The following ZNF862 variants were observed in gnomAD, a reference collection of about 807,000 sequenced individuals.
The protein encoded by ZNF862 is zinc finger protein 862.
In ZNF862, 64 loss-of-function variants were observed where a neutral mutation model predicts 91.1. That is an observed-to-expected ratio of 0.70 (90% confidence interval 0.57 to 0.87). ZNF862 has a LOEUF of 0.87. Among genes scored for constraint, ZNF862 ranks in the 40% least tolerant of loss-of-function variants. The probability of loss-of-function intolerance (pLI) is 0.00; values close to 1 mark genes in which losing one functional copy is unlikely to be tolerated. For synonymous variants in ZNF862, 631 were observed against 618.1 expected, an observed-to-expected ratio of 1.02 and a Z score of -0.31; for missense variants, 1,459 against 1,528.0, an observed-to-expected ratio of 0.95 and a Z score of 0.75.
In ZNF862 at chr7:149,861,359, G is replaced by C; in HGVS notation, c.2199G>C (p.Val733=). 1 of 1,613,072 alleles carries C rather than the reference G, an allele frequency of 6.2e-7. No homozygotes were observed. The change falls in exon 7 of 8, where the codon GTG becomes GTC. Residue 733 remains valine (V), a synonymous_variant. Coordinates refer to ENST00000223210, the MANE Select transcript of ZNF862 (RefSeq NM_001099220.3). This position sits in a 1 kb window ranked among gnomAD's most constrained non-coding sequence, Gnocchi z 6.7. ...HCVAHRLHLA[V]VDACGSIDLV... is the part of the protein sequence containing the mutation. ...TGGCCCACCGGCTGCACCTGGCTGTGGTGGACGCCTGCGGGAGCATCGATC... is the reference window on the plus strand; with the variant it reads ...TGGCCCACCGGCTGCACCTGGCTGTCGTGGACGCCTGCGGGAGCATCGATC...
intron 5 of ZNF862, among the ~76,000 whole-genome samples, chr7:149,852,907 AG>A (rs1802115785): frequency 6.6e-6 from 1 of 152,140 alleles, no homozygotes; most frequent in South Asian, 2.1e-4. Flanking sequence ...GGCCTTACAG[AG>A]CTGGGGGAAG....
In ZNF862 at chr7:149,844,569, T is replaced by G. The variant is rs1586041915; in HGVS notation, c.25-56T>G. ...GCCCTCAGGTGGTCAGGAACACTTTTGGAAGATAAATCTAAGGAAGAGAGT... is the reference window on the plus strand; with the variant it reads ...GCCCTCAGGTGGTCAGGAACACTTTGGGAAGATAAATCTAAGGAAGAGAGT... On this transcript the variant is annotated intron_variant, in intron 1 of 7. Coordinates refer to ENST00000223210, the MANE Select transcript of ZNF862 (RefSeq NM_001099220.3). The G allele has an allele frequency of 1.7e-5, 23 of 1,358,186 alleles. No homozygotes were observed. In the East Asian group the frequency reaches 5.8e-4, roughly 34 times the overall value. The allele number at this position is 1,358,186 out of a possible 1,614,324, so 84.1% of individuals were successfully genotyped here.
intron 3 of ZNF862, 131 bp from the exon 4 acceptor site, chr7:149,847,592 GGTGTGTGTGTGT>G (rs10569456): frequency 0.03 from 15,557 of 517,760 alleles, 1 homozygote; most frequent in East Asian, 0.041. Context: ...AGAAAATTCA[GGTGTGTGTGTGT>G]GTGTGTGTGT....
At position 149,860,524 on chromosome 7, in the gene ZNF862, GA is replaced by G. The variant is rs1802429326; in HGVS notation, c.1366del (p.Ile456SerfsTer21). ...SICEEGDGPR[R>X]IKRTYRPRSI... The stretch of plus-strand genomic sequence containing the variant: ...TGTGAGGAAGGAGATGGACCTAGGA[GA>G]ATCAAGAGGACATACAGGCCCCGTT... On this transcript the variant is annotated frameshift_variant, in exon 7 of 8. Transcript: ENST00000223210. LOFTEE classifies it high-confidence loss of function. The G allele has an allele frequency of 6.2e-7, 1 of 1,613,992 alleles. No homozygotes were observed. Among genetic ancestry groups the G allele is most frequent in the Non-Finnish European group, 8.5e-7 (1 of 1,179,896 alleles).
rs1283761853 is a variant in ZNF862, at chr7:149,861,600, G to T, written c.2440G>T (p.Val814Leu). ...WPALARHLQR[V>L]AEAGGQIGHR... ...CGCCCTGGCCAGGCACCTCCAGAGG[G>T]TGGCAGAGGCTGGGGGCCAGATTGG... Residue 814 changes from valine to leucine, a missense_variant, in exon 7 of 8, where the codon GTG becomes TTG. Transcript: ENST00000223210. This position sits in a 1 kb window ranked among gnomAD's most constrained non-coding sequence, Gnocchi z 6.7. The T allele has an allele frequency of 1.9e-6, 3 of 1,600,058 alleles. No individual in the cohort carries two copies. The Admixed American group carries it at 5.1e-5, about 27-fold the overall frequency.
chr7:149,851,902 G>A (rs1453709591), intron 5 of ZNF862: 1 of 152,206 alleles, frequency 6.6e-6, no homozygotes, highest in African/African-American at 2.4e-5. Flanking sequence ...CTTTCTAGGG[G>A]GTGGGCCTGG....
At chr7:149,864,010 C>T in intron 7 of ZNF862, 99 bp from the exon 8 acceptor site, 2 of 1,292,012 alleles carry the variant, frequency 1.5e-6, no homozygotes, top group Non-Finnish European at 2.1e-6. Flanking sequence ...TCAGTCTGTT[C>T]TGCCAAGCTT....
intron 1 of ZNF862, among the ~76,000 whole-genome samples, chr7:149,843,462 C>T (rs1170219172): frequency 6.6e-6 from 1 of 152,116 alleles, no homozygotes; most frequent in South Asian, 2.1e-4. Flanking sequence ...TGTTGCGTGG[C>T]TGTGGTACCT....
At chr7:149,841,929 G>A (rs183855949) in intron 1 of ZNF862, among the ~76,000 whole-genome samples, 88 of 152,276 alleles carry the variant, frequency 5.8e-4, no homozygotes, top group Non-Finnish European at 1.1e-3. Context: ...TGTGTTGAAT[G>A]AAAAAATGAA....
chr7:149,864,458 T>C lies in ZNF862; in HGVS notation c.*174T>C. 1 of 628,560 alleles carries C rather than the reference T, an allele frequency of 1.6e-6. No individual in the cohort carries two copies. The highest frequency in any genetic ancestry group is 2.7e-6 in the Non-Finnish European group (1 of 368,392). The allele number at this position is 628,560 out of a possible 1,614,324, so 38.9% of individuals were successfully genotyped here. A position where few individuals can be genotyped will look rare whatever the true frequency, so the allele number is the denominator to read the frequency against. On this transcript the variant is annotated 3_prime_UTR_variant, in exon 8 of 8. Coordinates refer to ENST00000223210, the MANE Select transcript of ZNF862 (RefSeq NM_001099220.3). ...GGTATCAGGAGGTGCATGACCTGTT[T>C]CCTGAGGCCCCACTCAGCACAGCCA...
At position 149,855,706 on chromosome 7, in the gene ZNF862, G is replaced by C. The variant is rs1329675441; in HGVS notation, c.1118-3716G>C. ...TGTCTATATAGGCGCCTTCACAGGG[G>C]AGTATCACACTGGTAGCCAACCGTC... On this transcript the variant is annotated intron_variant, in intron 5 of 7. Transcript: ENST00000223210. This position sits in a 1 kb window ranked among gnomAD's most constrained non-coding sequence, Gnocchi z 4.1. Among the ~76,000 whole-genome samples the C allele has an allele frequency of 1.3e-5, 2 of 152,278 alleles. No homozygotes were observed. The highest frequency in any genetic ancestry group is 6.5e-5 in the Admixed American group (1 of 15,300).
chr7:149,852,196 T>C (rs1359199203), intron 5 of ZNF862: 1 of 151,980 alleles, frequency 6.6e-6, no homozygotes, highest in African/African-American at 2.4e-5. Flanking sequence ...TTAATTGTTA[T>C]TATTATTTTT....
chr7:149,838,833 C>CGGTGTCCGCGCATCCTCCCCGAGCTGCCG (rs1801610792), intron 1 of ZNF862, among the ~76,000 whole-genome samples, 198 bp downstream of exon 1: 1 of 152,250 alleles, frequency 6.6e-6, no homozygotes, highest in Non-Finnish European at 1.5e-5. Flanking sequence ...CGCTTCCGTT[C>CGGTGTCCGCGCATCCTCCCCGAGCTGCCG]GGTGTCCGCG....
chr7:149,862,966 G>A (rs974176763), intron 7 of ZNF862, among the ~76,000 whole-genome samples: 15 of 152,366 alleles, frequency 9.8e-5, no homozygotes, highest in Admixed American at 9.8e-4. Flanking sequence ...AAGTGGGGCT[G>A]TATAGACTCT....
intron 5 of ZNF862, chr7:149,852,807 T>G (rs1400980868): frequency 6.6e-6 from 1 of 152,332 alleles, no homozygotes; most frequent in Admixed American, 6.5e-5. Flanking sequence ...GCCCTTGCTT[T>G]TATTTGTAAA....
chr7:149,856,280 A>ATT (rs1423583726), intron 5 of ZNF862: 1 of 152,128 alleles, frequency 6.6e-6, no homozygotes, highest in Non-Finnish European at 1.5e-5. Flanking sequence ...TTCTCTATTG[A>ATT]TTCCTACTGT....
At chr7:149,846,305 A>G in intron 3 of ZNF862, 50 bp downstream of exon 3, 1 of 1,444,232 alleles carries the variant, frequency 6.9e-7, no homozygotes, top group East Asian at 2.3e-5. Flanking sequence ...GAGAGGGAGC[A>G]TGGGCAGCCC....
Position 149,860,666 on chromosome 7 carries a change from G to A in ZNF862, c.1506G>A (p.Arg502=), listed in dbSNP as rs772218293. Residue 502 remains arginine, a synonymous_variant, in exon 7 of 8, where the codon CGG becomes CGA. Transcript: ENST00000223210. ...ERPNLHDKSS[R]LVRGYTGPFK... ...CTAATCTCCATGATAAATCATCTCG[G>A]TTAGTCAGAGGTTACACGGGGCCTT... The A allele has an allele frequency of 1.2e-6, 2 of 1,614,012 alleles. No individual in the cohort carries two copies. The highest frequency in any genetic ancestry group is 2.2e-5 in the South Asian group (2 of 91,084).
In ZNF862 at chr7:149,850,239, G is replaced by A. The variant is rs1802018978; in HGVS notation, c.1018G>A (p.Val340Met). The A allele has an allele frequency of 1.2e-6, 2 of 1,612,142 alleles. No homozygotes were observed. Among genetic ancestry groups the A allele is most frequent in the African/African-American group, 2.7e-5 (2 of 74,866 alleles). Residue 340 changes from valine (V) to methionine (M), a missense_variant, in exon 5 of 8, where the codon GTG (valine) becomes ATG (methionine). Transcript: ENST00000223210. This position sits in a 1 kb window ranked among gnomAD's most constrained non-coding sequence, Gnocchi z 4.2. ...GCCGGTGGTGTTCGAGGATGTGGCA[G>A]TGTATTTCACCCGGGAGGAGTGGGG... Reference protein sequence around the residue: ...ELPVVFEDVAVYFTREEWGML... With the variant: ...ELPVVFEDVAMYFTREEWGML...
Sources: gnomAD v4.1 joint callset for allele counts (sites outside exome capture counted in the v4.1 genomes callset) on GRCh38, gnomAD v4.1.1 for gene constraint, Gnocchi (gnomAD v3.1) non-coding constraint, MANE v1.5 for transcripts, NCBI Gene and HGNC (gene_info 2026-07-23, HGNC 2026-07-21) for gene names.